Variants in TSHZ2 observed in about 807,000 individuals in gnomAD.
TSHZ2 encodes teashirt zinc finger homeobox 2.
In TSHZ2, 21 loss-of-function variants were observed where a neutral mutation model predicts 74.4. That is an observed-to-expected ratio of 0.28 (90% CI 0.20 to 0.41). The LOEUF is 0.41. TSHZ2 is among the 10% of genes least tolerant of loss of function. The pLI is 1.00. For missense variants in TSHZ2, 1,244 were observed against 1,293.5 expected (o/e 0.96, Z 0.59); for synonymous variants, 540 against 515.3 (o/e 1.05, Z -0.65).
At chr20:53,090,745 TAAAC>T (rs1568754708) in intron 1 of TSHZ2, among the ~76,000 whole-genome samples, 1 of 152,196 alleles carries the variant, frequency 6.6e-6, no homozygotes, top group Non-Finnish European at 1.5e-5. Flanking sequence ...ATTTGCAGAA[TAAAC>T]AAAGGCTTCA....
intron 1 of TSHZ2, among the ~76,000 whole-genome samples, chr20:53,023,510 T>C (rs1381647862): frequency 1.3e-5 from 2 of 152,192 alleles, no homozygotes; most frequent in Non-Finnish European, 2.9e-5. Flanking sequence ...GTACATTCCA[T>C]TTAGAAAACT....
At chr20:53,081,633 T>A (rs1985537827) in intron 1 of TSHZ2, among the ~76,000 whole-genome samples, 2 of 152,240 alleles carry the variant, frequency 1.3e-5, no homozygotes, top group Non-Finnish European at 2.9e-5. Context: ...TCCACGGCTC[T>A]TTATTAAGGT....
intron 2 of TSHZ2, among the ~76,000 whole-genome samples, chr20:53,326,556 A>G (rs1197247406): frequency 6.6e-6 from 1 of 152,196 alleles, no homozygotes; most frequent in African/African-American, 2.4e-5. Flanking sequence ...ATTGGTCACT[A>G]AGCGCCTCTA....
At chr20:53,388,723 G>A (rs1007819843) in intron 2 of TSHZ2, among the ~76,000 whole-genome samples, 25 of 151,316 alleles carry the variant, frequency 1.7e-4, no homozygotes, top group South Asian at 6.3e-4. Flanking sequence ...AATTATAGGC[G>A]CCCACCACCA....
intron 1 of TSHZ2, among the ~76,000 whole-genome samples, chr20:52,987,655 AG>A (rs1315506744): frequency 2.0e-5 from 3 of 152,166 alleles, no homozygotes; most frequent in Non-Finnish European, 2.9e-5. Context: ...AAATATAAGA[AG>A]GCTCTCTATT....
At chr20:53,005,568 C>T (rs11699642) in intron 1 of TSHZ2, among the ~76,000 whole-genome samples, 7,938 of 152,124 alleles carry the variant, frequency 0.052, 516 homozygotes, top group South Asian at 0.32. Context: ...CTGCATGCAG[C>T]GTGTCCTGTG....
intron 2 of TSHZ2, among the ~76,000 whole-genome samples, chr20:53,303,216 A>G (rs1978382573): frequency 1.3e-5 from 2 of 152,326 alleles, no homozygotes; most frequent in African/African-American, 4.8e-5. Context: ...CCCCCAAGAC[A>G]GGGACCGATT....
chr20:53,454,648 G>A (rs1414875688), intron 2 of TSHZ2, among the ~76,000 whole-genome samples: 1 of 151,748 alleles, frequency 6.6e-6, no homozygotes, highest in African/African-American at 2.4e-5. Context: ...TCATTCAGAT[G>A]TCACTCCCTC....
At chr20:53,163,360 CTTTTTTTTTT>C (rs55685519) in intron 1 of TSHZ2, among the ~76,000 whole-genome samples, 7 of 65,634 alleles carry the variant, frequency 1.1e-4, no homozygotes, top group Admixed American at 2.0e-4. Context: ...CTCTCTGTCT[CTTTTTTTTTT>C]TTTTTTTTTT....
chr20:52,999,835 T>C (rs1982346883), intron 1 of TSHZ2, among the ~76,000 whole-genome samples: 1 of 152,210 alleles, frequency 6.6e-6, no homozygotes, highest in African/African-American at 2.4e-5. Flanking sequence ...AGATGCTGTA[T>C]ACCCCAACCA....
At chr20:53,040,726 G>A (rs761351268) in intron 1 of TSHZ2, among the ~76,000 whole-genome samples, 15 of 152,106 alleles carry the variant, frequency 9.9e-5, no homozygotes, top group Non-Finnish European at 1.6e-4. Context: ...TTTGTTTGGG[G>A]ACTTAGTGTC....
chr20:53,317,136 A>G (rs1178390240), intron 2 of TSHZ2, among the ~76,000 whole-genome samples: 3 of 152,144 alleles, frequency 2.0e-5, no homozygotes, highest in Non-Finnish European at 4.4e-5. Flanking sequence ...AAATGCAACA[A>G]TGTCTAGTTT....
chr20:53,068,153 C>T (rs6097216), intron 1 of TSHZ2, among the ~76,000 whole-genome samples: 17,093 of 152,202 alleles, frequency 0.11, 1,112 homozygotes, highest in African/African-American at 0.17. Context: ...ATTACACCTG[C>T]AAAGACCCTT....
At chr20:53,046,969 G>A (rs1472783611) in intron 1 of TSHZ2, among the ~76,000 whole-genome samples, 3 of 152,178 alleles carry the variant, frequency 2.0e-5, no homozygotes, top group African/African-American at 7.2e-5. Context: ...AGAGGGCAGA[G>A]TCTCAAGGCT....
chr20:53,282,866 C>A (rs991745064), intron 2 of TSHZ2, among the ~76,000 whole-genome samples: 10 of 152,250 alleles, frequency 6.6e-5, no homozygotes, highest in Admixed American at 6.5e-4. Context: ...GACTCCTTCA[C>A]ACATTCTCAC....
chr20:52,996,457 A>T (rs1285222113), intron 1 of TSHZ2, among the ~76,000 whole-genome samples: 1 of 151,980 alleles, frequency 6.6e-6, no homozygotes, highest in African/African-American at 2.4e-5. Context: ...GAACAGGAGG[A>T]AAAAAATGAC....
intron 2 of TSHZ2, among the ~76,000 whole-genome samples, chr20:53,475,273 G>A (rs1457575102): frequency 8.3e-6 from 1 of 120,128 alleles, no homozygotes; most frequent in African/African-American, 3.4e-5. Context: ...GCTCTCCTCA[G>A]CAAATGTAAA....
chr20:53,471,710 C>G (rs867222817), intron 2 of TSHZ2, among the ~76,000 whole-genome samples: 1 of 151,864 alleles, frequency 6.6e-6, no homozygotes, highest in South Asian at 2.1e-4. Context: ...GGCAGAGGGA[C>G]CCAGGTGAAG....
intron 1 of TSHZ2, among the ~76,000 whole-genome samples, chr20:53,145,133 T>A (rs1391061985): frequency 2.0e-5 from 3 of 152,180 alleles, no homozygotes; most frequent in African/African-American, 7.2e-5. Context: ...TGAAGAGTTA[T>A]AATGTTCGCC....
Sources: gnomAD v4.1 joint callset for allele counts (sites outside exome capture counted in the v4.1 genomes callset) on GRCh38, gnomAD v4.1.1 for gene constraint, MANE v1.5 for transcripts, NCBI Gene and HGNC (gene_info 2026-07-23, HGNC 2026-07-21) for gene names.